The following ENTPD5 variants were observed in gnomAD, a reference collection of about 807,000 sequenced individuals.
ENTPD5 encodes nucleoside diphosphate phosphatase ENTPD5.
Under a neutral mutation model 60.2 loss-of-function variants are expected in ENTPD5, and 49 were observed. The ratio of observed to expected loss-of-function variants is 0.81; its 90% confidence interval spans 0.65 to 1.03. The LOEUF is 1.03. ENTPD5 is among the 50% of genes least tolerant of loss of function. The pLI is 0.00. For missense variants in ENTPD5, 480 were observed against 507.6 expected, an observed-to-expected ratio of 0.95 and a Z score of 0.52; for synonymous variants, 187 against 185.4, an observed-to-expected ratio of 1.01 and a Z score of -0.07.
At chr14:73,959,385 G>A, downstream of ENTPD5, 1 of 1,614,166 alleles carries the variant, frequency 6.2e-7, no homozygotes, top group Non-Finnish European at 8.5e-7. Context: ...CAGAGTCTTA[G>A]CCGTTGGTAT....
intron 3 of ENTPD5, among the ~76,000 whole-genome samples, chr14:73,998,293 T>C (rs1020540041): frequency 9.2e-5 from 14 of 152,122 alleles, no homozygotes; most frequent in African/African-American, 3.4e-4. Flanking sequence ...GCTGACCAAC[T>C]GTTACCTCTC....
At chr14:73,981,115 T>C (rs1476748522) in intron 6 of ENTPD5, among the ~76,000 whole-genome samples, 1 of 151,120 alleles carries the variant, frequency 6.6e-6, no homozygotes, top group Non-Finnish European at 1.5e-5. Flanking sequence ...AATAAATAAA[T>C]AAATAAATAA....
chr14:73,993,811 T>C (rs2058232487), intron 3 of ENTPD5, among the ~76,000 whole-genome samples: 1 of 151,602 alleles, frequency 6.6e-6, no homozygotes, highest in African/African-American at 2.4e-5. Flanking sequence ...ATCATTGTAG[T>C]TTTTGAAAAA....
intron 3 of ENTPD5, among the ~76,000 whole-genome samples, chr14:74,005,265 C>CA (rs71115941): frequency 0.21 from 8,240 of 39,562 alleles, 664 homozygotes; most frequent in Admixed American, 0.27. Flanking sequence ...GACTCAGTCT[C>CA]AAAAAAAAAA....
chr14:73,957,259 A>G (rs1753738507), downstream of ENTPD5, among the ~76,000 whole-genome samples: 1 of 151,790 alleles, frequency 6.6e-6, no homozygotes, highest in Non-Finnish European at 1.5e-5. Flanking sequence ...CACCGTGCCC[A>G]GCTAATTATT....
At chr14:73,968,325 G>A (rs34793473) in intron 15 of ENTPD5, among the ~76,000 whole-genome samples, 23,732 of 151,808 alleles carry the variant, frequency 0.16, 1,961 homozygotes, top group Admixed American at 0.21. Context: ...GAAATGCTTC[G>A]AAGGAAAAAG....
chr14:73,956,249 AC>A (rs1473407055), downstream of ENTPD5: 4 of 333,080 alleles, frequency 1.2e-5, no homozygotes, highest in African/African-American at 2.2e-5. Flanking sequence ...AATGGCGTGA[AC>A]CCAGGAGGTG....
At chr14:73,979,472 CTTTT>C (rs535777164) in intron 6 of ENTPD5, among the ~76,000 whole-genome samples, 4 of 137,678 alleles carry the variant, frequency 2.9e-5, no homozygotes, top group South Asian at 2.3e-4. Context: ...ATAGTAAGCA[CTTTT>C]TTTTTTTTTT....
chr14:73,995,017 C>T (rs2058287077), intron 3 of ENTPD5, among the ~76,000 whole-genome samples: 1 of 151,290 alleles, frequency 6.6e-6, no homozygotes, highest in Admixed American at 6.6e-5. Context: ...CCACCTTTAC[C>T]CACTATGTGA....
chr14:74,002,569 T>C (rs1369717179), intron 3 of ENTPD5, among the ~76,000 whole-genome samples: 7 of 152,198 alleles, frequency 4.6e-5, no homozygotes, highest in Non-Finnish European at 1.0e-4. Flanking sequence ...GCCCAGCTAA[T>C]CAAGAGATTT....
downstream of ENTPD5, chr14:73,962,900 AT>A: frequency 7.7e-7 from 1 of 1,293,084 alleles, no homozygotes; most frequent in Non-Finnish European, 1.1e-6. Flanking sequence ...CTACGTGATT[AT>A]TATCTACAAT....
At chr14:73,992,683 C>CAAAAAAAAAACAAAAAA (rs2058182189) in intron 3 of ENTPD5, among the ~76,000 whole-genome samples, 1 of 62,786 alleles carries the variant, frequency 1.6e-5, no homozygotes. Context: ...GACTCCGTCT[C>CAAAAAAAAAACAAAAAA]AAAAAAAAAA....
downstream of ENTPD5, chr14:73,959,425 C>T (rs760587775): frequency 6.2e-7 from 1 of 1,614,072 alleles, no homozygotes; most frequent in African/African-American, 1.3e-5. Context: ...CTCTCAGACA[C>T]CTTGAGTTCC....
At chr14:73,957,475 G>GTGTTT (rs888735957), downstream of ENTPD5, among the ~76,000 whole-genome samples, 2 of 152,112 alleles carry the variant, frequency 1.3e-5, no homozygotes, top group African/African-American at 4.8e-5. Context: ...TTTGGAGATA[G>GTGTTT]TGTTTTGTTT....
chr14:73,999,812 G>C (rs118018119), intron 3 of ENTPD5, among the ~76,000 whole-genome samples: 3 of 150,120 alleles, frequency 2.0e-5, no homozygotes, highest in African/African-American at 7.4e-5. Flanking sequence ...GTAAAGGGCC[G>C]GGCGCAGTAG....
intron 3 of ENTPD5, among the ~76,000 whole-genome samples, chr14:74,009,532 C>T (rs2058779916): frequency 6.6e-6 from 1 of 152,168 alleles, no homozygotes. Flanking sequence ...TAGGGGTTCC[C>T]CATAATTACA....
chr14:73,985,488 G>A (rs373295898), intron 5 of ENTPD5, among the ~76,000 whole-genome samples: 60 of 152,244 alleles, frequency 3.9e-4, no homozygotes, highest in African/African-American at 1.4e-3. Context: ...TTCTCTGATG[G>A]CCAGTGATGA....
downstream of ENTPD5, chr14:73,961,388 C>G (rs369469021): frequency 3.1e-6 from 5 of 1,614,052 alleles, no homozygotes; most frequent in African/African-American, 6.7e-5. Flanking sequence ...AAGACGATAA[C>G]AGAGCAGGGC....
intron 13 of ENTPD5, 22 bp downstream of exon 13, chr14:73,972,862 C>T: frequency 6.2e-7 from 1 of 1,612,932 alleles, no homozygotes; most frequent in Non-Finnish European, 8.5e-7. Flanking sequence ...CCTCTCTGGA[C>T]TGACACCTGG....
Sources: allele counts gnomAD v4.1 joint callset (sites outside exome capture counted in the v4.1 genomes callset), GRCh38; gene constraint gnomAD v4.1.1; transcripts MANE v1.5; gene names NCBI Gene and HGNC (gene_info 2026-07-23, HGNC 2026-07-21).